FGD2: variants seen among roughly 807,000 people sequenced by gnomAD.
The protein encoded by FGD2 is FYVE, RhoGEF and PH domain-containing protein 2.
In FGD2, 52 loss-of-function variants were observed where a neutral mutation model predicts 75.9. The ratio of observed to expected loss-of-function variants is 0.69; its 90% CI spans 0.55 to 0.86. The LOEUF is 0.86. FGD2 is among the 40% of genes least tolerant of loss of function. The pLI is 0.00. For missense variants in FGD2, 790 were observed against 872.0 expected, an observed-to-expected ratio of 0.91 and a Z score of 1.18; for synonymous variants, 347 against 348.6, an observed-to-expected ratio of 1.00 and a Z score of 0.05.
rs745594755 is a variant in FGD2, at chr6:37,008,883, C to T, written c.118C>T (p.Arg40Cys). The T allele has an allele frequency of 3.1e-6, 5 of 1,613,684 alleles. No homozygotes were observed. Among genetic ancestry groups the T allele is most frequent in the South Asian group, 1.1e-5 (1 of 91,030 alleles). Residue 40 changes from arginine (R) to cysteine (C), a missense_variant, in exon 2 of 16, where the codon CGC becomes TGC. Transcript: ENST00000274963. Reference protein sequence around the residue: ...RGQRLEDVHHRPECRPPESPG... With the variant: ...RGQRLEDVHHCPECRPPESPG... ...CCAGAGGCTAGAGGACGTGCATCAC[C>T]GCCCTGAGTGCAGGCCTCCCGAGTC...
At chr6:37,018,315 A>G (rs748960356) in intron 9 of FGD2, among the ~76,000 whole-genome samples, 1 of 152,078 alleles carries the variant, frequency 6.6e-6, no homozygotes, top group Non-Finnish European at 1.5e-5. Context: ...CTCGGCTAAC[A>G]TGTCTGATAC....
rs1311373056 is a variant in FGD2 at position 37,025,946 on chromosome 6, C to A, written c.1605+8C>A. The A allele has an allele frequency of 3.1e-6, 5 of 1,613,756 alleles. No individual in the cohort carries two copies. In the South Asian group the frequency reaches 5.5e-5, roughly 18 times the overall value. ...AGGCGGGGCATCCTGGAGGTGAGGG[C>A]CACTGTCCCCGCGCTCACCATCCGT... On this transcript the variant is annotated splice_region_variant and intron_variant, in intron 14 of 15. Transcript: ENST00000274963.
At chr6:37,023,875 A>G (rs964489570) in intron 13 of FGD2, 6 of 152,282 alleles carry the variant, frequency 3.9e-5, no homozygotes, top group African/African-American at 1.4e-4. Flanking sequence ...ACAAAGAGGC[A>G]CAAAGAATAA....
In FGD2 at chr6:37,011,699, G is replaced by A; in HGVS notation, c.379-7G>A. On this transcript the variant is annotated splice_polypyrimidine_tract_variant and splice_region_variant and intron_variant, in intron 3 of 15. Transcript: ENST00000274963. ...CTGCAGTGAGTGACCTGTCGTGGCG[G>A]CTACAGGTGTTTTTCCAGGAGCTGC... The A allele has an allele frequency of 6.2e-7, 1 of 1,613,578 alleles. No individual in the cohort carries two copies. The highest frequency in any genetic ancestry group is 8.5e-7 in the Non-Finnish European group (1 of 1,179,794).
intron 11 of FGD2, 104 bp from the exon 12 acceptor site, chr6:37,021,408 G>T: frequency 1.0e-6 from 1 of 990,090 alleles, no homozygotes. Context: ...CTGGTACCCA[G>T]TGGGCTTTCA....
chr6:37,028,337 A>C lies in FGD2; in HGVS notation c.*174A>C. 1 of 616,466 alleles carries C rather than the reference A, an allele frequency of 1.6e-6. No homozygotes were observed. The highest frequency in any genetic ancestry group is 2.7e-6 in the Non-Finnish European group (1 of 371,040). The allele number at this position is 616,466 out of a possible 1,614,324, so 38.2% of individuals were successfully genotyped here. A position where few individuals can be genotyped will look rare whatever the true frequency, so the allele number is the denominator to read the frequency against. ...ATCTGGGATTAGAAAATATGGGTCC[A>C]TTCCTTTCTAGAAAGGGGACAACCA... On this transcript the variant is annotated 3_prime_UTR_variant, in exon 16 of 16. Transcript: ENST00000274963.
rs1014994010 is a variant in FGD2, at chr6:37,014,598, A to G, written c.824-48A>G. 2.5e-6 allele frequency: 4 copies of G among 1,606,528 alleles called. No individual in the cohort carries two copies. The African/African-American group carries it at 4.0e-5, about 16-fold the overall frequency. Reference sequence around the variant, plus strand: ...ACTTCAAGGACCTCCTGCCCCAGCCACCAGCCCTAGATTCTCAGGGAATAA... The same window carrying G: ...ACTTCAAGGACCTCCTGCCCCAGCCGCCAGCCCTAGATTCTCAGGGAATAA... On this transcript the variant is annotated intron_variant, in intron 6 of 15. Coordinates refer to ENST00000274963, the MANE Select transcript of FGD2 (RefSeq NM_173558.4).
chr6:37,020,409 C>A, intron 9 of FGD2, 132 bp from the exon 10 acceptor site: 1 of 849,552 alleles, frequency 1.2e-6, no homozygotes, highest in Non-Finnish European at 1.8e-6. Context: ...AGGTGGCGAA[C>A]AAGCTCTGCA....
intron 1 of FGD2, among the ~76,000 whole-genome samples, chr6:37,006,931 T>A (rs968458083): frequency 6.6e-6 from 1 of 152,038 alleles, no homozygotes; most frequent in Non-Finnish European, 1.5e-5. Context: ...GGCTGGGTAT[T>A]TGTATCTCCA....
intron 9 of FGD2, among the ~76,000 whole-genome samples, 190 bp downstream of exon 9, chr6:37,016,050 C>G (rs1765271071): frequency 6.6e-6 from 1 of 152,258 alleles, no homozygotes; most frequent in South Asian, 2.1e-4. Flanking sequence ...TCCTTCCCAG[C>G]TTCCCACAGG....
At chr6:37,010,160 T>A (rs1163061261) in intron 2 of FGD2, 1 of 152,094 alleles carries the variant, frequency 6.6e-6, no homozygotes, top group South Asian at 2.1e-4. Context: ...CGTAACAAAA[T>A]GCCCCAGACT....
chr6:37,009,862 A>G (rs1764926135), intron 2 of FGD2: 1 of 151,920 alleles, frequency 6.6e-6, no homozygotes, highest in Admixed American at 6.6e-5. Context: ...AAAAATACAA[A>G]AATTAGTTGG....
At chr6:37,008,566 T>A (rs1360263667) in intron 1 of FGD2, among the ~76,000 whole-genome samples, 1 of 152,226 alleles carries the variant, frequency 6.6e-6, no homozygotes, top group Non-Finnish European at 1.5e-5. Flanking sequence ...TCCTGGACAC[T>A]GTGGCTTCAT....
chr6:37,017,413 A>G (rs566834305), intron 9 of FGD2, among the ~76,000 whole-genome samples: 7 of 152,380 alleles, frequency 4.6e-5, no homozygotes, highest in African/African-American at 1.7e-4. Flanking sequence ...TGAAGGTCAT[A>G]TCGCAAATGC....
chr6:37,025,727 A>C (rs1765786828), intron 13 of FGD2, 65 bp from the exon 14 acceptor site: 1 of 1,590,748 alleles, frequency 6.3e-7, no homozygotes, highest in Admixed American at 1.7e-5. Flanking sequence ...CCTGCCCACC[A>C]AGGCAGGAGC....
intron 13 of FGD2, chr6:37,022,617 T>G: frequency 2.4e-6 from 1 of 425,032 alleles, no homozygotes; most frequent in Non-Finnish European, 4.0e-6. Flanking sequence ...TTGATCCACC[T>G]AGGCCTCCAC....
At chr6:37,020,993 C>T (rs919322876) in intron 11 of FGD2, among the ~76,000 whole-genome samples, 3 of 147,448 alleles carry the variant, frequency 2.0e-5, no homozygotes, top group Non-Finnish European at 4.5e-5. Context: ...TGTATGTGTG[C>T]ATGCATGTGT....
chr6:37,014,871 G>T lies in FGD2; in HGVS notation c.883-21G>T. On this transcript the variant is annotated intron_variant, in intron 7 of 15. Transcript: ENST00000274963. ...GTGAGCCCTGCCCAGACTTGGCTGAGGATGCACCCCAACCCCCTAGGAGCG... is the reference window on the plus strand; with the variant it reads ...GTGAGCCCTGCCCAGACTTGGCTGATGATGCACCCCAACCCCCTAGGAGCG... 3 of 1,612,282 alleles carry T rather than the reference G, an allele frequency of 1.9e-6. No homozygotes were observed. In the South Asian group the frequency reaches 3.3e-5, roughly 18 times the overall value.
intron 1 of FGD2, among the ~76,000 whole-genome samples, chr6:37,007,990 G>A (rs1490245569): frequency 6.6e-6 from 1 of 152,220 alleles, no homozygotes; most frequent in Non-Finnish European, 1.5e-5. Context: ...GGCTCAGGAA[G>A]CAGTCGCCTG....
Sources: gnomAD v4.1 joint callset for allele counts (sites outside exome capture counted in the v4.1 genomes callset) on GRCh38, gnomAD v4.1.1 for gene constraint, MANE v1.5 for transcripts, NCBI Gene and HGNC (gene_info 2026-07-23, HGNC 2026-07-21) for gene names.